The following THEMIS variants were observed in gnomAD, a reference collection of about 807,000 sequenced individuals.
THEMIS encodes the protein thymocyte selection associated.
Under a neutral mutation model 52.6 loss-of-function variants are expected in THEMIS, and 37 were observed. The ratio of observed to expected loss-of-function variants is 0.70; its 90% confidence interval spans 0.54 to 0.93. The LOEUF (loss-of-function observed/expected upper bound fraction) is 0.93. THEMIS is among the 40% of genes least tolerant of loss of function. The pLI is 0.00. For missense variants in THEMIS, 808 were observed against 763.1 expected (o/e 1.06, Z -0.69); for synonymous variants, 292 against 272.7 (o/e 1.07, Z -0.70).
chr6:127,752,582 T>C (rs921073733), intron 4 of THEMIS, among the ~76,000 whole-genome samples: 3 of 151,640 alleles, frequency 2.0e-5, no homozygotes, highest in African/African-American at 7.2e-5. Flanking sequence ...ATCAAATTTA[T>C]GCTTGCCCTC....
At chr6:127,889,343 T>C (rs1194526689) in intron 1 of THEMIS, among the ~76,000 whole-genome samples, 1 of 152,120 alleles carries the variant, frequency 6.6e-6, no homozygotes, top group Non-Finnish European at 1.5e-5. Flanking sequence ...CACCATTTTT[T>C]TCCTCAGATT....
At chr6:127,798,864 C>T (rs1777424197) in intron 4 of THEMIS, among the ~76,000 whole-genome samples, 1 of 151,140 alleles carries the variant, frequency 6.6e-6, no homozygotes, top group African/African-American at 2.4e-5. Context: ...TGGTGGCGGG[C>T]GCCTGTAGTC....
At chr6:127,703,511 T>C (rs375728240), downstream of THEMIS, among the ~76,000 whole-genome samples, 159 of 152,272 alleles carry the variant, frequency 1.0e-3, no homozygotes, top group African/African-American at 3.5e-3. Flanking sequence ...GCTTCCTGTG[T>C]ACCCAATCAT....
rs776542931 is a variant in THEMIS, at chr6:127,829,767, A to T, written c.418T>A (p.Ser140Thr). 2 of 1,613,966 alleles carry T rather than the reference A, an allele frequency of 1.2e-6. No homozygotes were observed. Among genetic ancestry groups the T allele is most frequent in the South Asian group, 2.2e-5 (2 of 91,084 alleles). The change falls in exon 3 of 6, where the codon TCA (serine) becomes ACA (threonine). Residue 140 changes from serine (S) to threonine (T), a missense_variant. By Grantham distance (58) the Ser-to-Thr change is moderately conservative. Coordinates refer to ENST00000368248, the MANE Select transcript of THEMIS (RefSeq NM_001010923.3). ...IKQGEQIMLN[S>T]VEEIDGEIMV... ...ATTTCTCCATCAATCTCTTCAACTG[A>T]GTTGAGCATGATTTGCTCACCCTGC... is the stretch of plus-strand genomic sequence containing the variant.
chr6:127,903,831 T>A (rs938294226), upstream of THEMIS, among the ~76,000 whole-genome samples: 2 of 151,922 alleles, frequency 1.3e-5, no homozygotes, highest in Non-Finnish European at 2.9e-5. Flanking sequence ...ATTCAAAGAC[T>A]TCTATTTCTG....
intron 3 of THEMIS, among the ~76,000 whole-genome samples, chr6:127,814,817 A>G (rs978433558): frequency 1.3e-5 from 2 of 152,196 alleles, no homozygotes; most frequent in Non-Finnish European, 2.9e-5. Context: ...CCTGTTCCTC[A>G]TATACCACCC....
chr6:127,814,870 G>A (rs755515478), intron 3 of THEMIS, among the ~76,000 whole-genome samples: 4 of 152,082 alleles, frequency 2.6e-5, no homozygotes, highest in Non-Finnish European at 5.9e-5. Flanking sequence ...ATAAACTTAT[G>A]TATTGGCCAG....
intron 3 of THEMIS, among the ~76,000 whole-genome samples, chr6:127,817,842 G>A (rs888484475): frequency 3.3e-5 from 5 of 152,148 alleles, no homozygotes; most frequent in Admixed American, 6.5e-5. Flanking sequence ...ATGTTTAGGA[G>A]GGCCTCCCAC....
intron 1 of THEMIS, among the ~76,000 whole-genome samples, chr6:127,898,937 G>C (rs1781052910): frequency 6.6e-6 from 1 of 151,890 alleles, no homozygotes; most frequent in African/African-American, 2.4e-5. Context: ...TGGAGATAGA[G>C]AGTAGAATGA....
At chr6:127,868,511 G>T (rs1780054336) in intron 1 of THEMIS, 2 of 983,424 alleles carry the variant, frequency 2.0e-6, no homozygotes, top group Non-Finnish European at 2.4e-6. Flanking sequence ...GCCACAAATT[G>T]GTTACAGATG....
chr6:127,910,970 G>A (rs539157417), intron 1 of THEMIS, among the ~76,000 whole-genome samples: 2 of 152,088 alleles, frequency 1.3e-5, no homozygotes, highest in African/African-American at 4.8e-5. Flanking sequence ...ACAATTTGAG[G>A]GATACTGGTT....
chr6:127,766,605 A>G (rs1163374942), intron 4 of THEMIS, among the ~76,000 whole-genome samples: 1 of 152,190 alleles, frequency 6.6e-6, no homozygotes, highest in African/African-American at 2.4e-5. Flanking sequence ...ACAGCCTACT[A>G]CACACCTAGG....
chr6:127,889,329 T>G (rs1457052015), intron 1 of THEMIS, among the ~76,000 whole-genome samples: 2 of 152,132 alleles, frequency 1.3e-5, no homozygotes, highest in Non-Finnish European at 2.9e-5. Context: ...GTGGAATAGA[T>G]GAACACCATT....
At chr6:127,714,224 A>C (rs1774081591) in intron 5 of THEMIS, among the ~76,000 whole-genome samples, 2 of 151,896 alleles carry the variant, frequency 1.3e-5, no homozygotes, top group South Asian at 4.1e-4. Context: ...GTATACCTGA[A>C]TCATACTTTT....
intron 4 of THEMIS, among the ~76,000 whole-genome samples, chr6:127,753,275 A>G (rs1187253585): frequency 2.0e-5 from 3 of 152,062 alleles, no homozygotes; most frequent in Non-Finnish European, 4.4e-5. Context: ...AGACTCCATT[A>G]AAACACTGTT....
At chr6:127,909,170 A>G (rs1027538112) in intron 1 of THEMIS, among the ~76,000 whole-genome samples, 2 of 152,154 alleles carry the variant, frequency 1.3e-5, no homozygotes, top group African/African-American at 4.8e-5. Flanking sequence ...GCAACAGACC[A>G]TTTGCTTAAC....
intron 2 of THEMIS, among the ~76,000 whole-genome samples, chr6:127,834,417 CAA>C (rs34484234): frequency 0.42 from 41,654 of 99,500 alleles, 8,019 homozygotes; most frequent in East Asian, 0.92. Context: ...ACTAAAAATA[CAA>C]AAAAAAAAAA....
intron 1 of THEMIS, among the ~76,000 whole-genome samples, chr6:127,860,557 A>G (rs1304936913): frequency 1.3e-5 from 2 of 152,154 alleles, no homozygotes; most frequent in African/African-American, 4.8e-5. Flanking sequence ...AGTCAAGCCT[A>G]AAGACTGAAA....
rs1235351125 is a variant in THEMIS at position 127,813,121 on chromosome 6, C to T, written c.1520G>A (p.Gly507Asp). The T allele has an allele frequency of 8.7e-6, 14 of 1,613,944 alleles. No individual in the cohort carries two copies. The highest frequency in any genetic ancestry group is 3.4e-6 in the Non-Finnish European group (4 of 1,180,028). ...TAACTGAACAGTCATATTCAAGCGG[C>T]CCACAGGAATTTCCCAGCACTCCGT... is the stretch of plus-strand genomic sequence containing the variant. ...NPTECWEIPV[G>D]RLNMTVQLVS... Residue 507 changes from glycine (G) to aspartate (D), a missense_variant, in exon 4 of 6, where the codon GGC becomes GAC. Physicochemically the swap from Gly to Asp is moderately conservative, Grantham distance 94 (BLOSUM62 -1). Coordinates refer to ENST00000368248, the MANE Select transcript of THEMIS (RefSeq NM_001010923.3).
Sources: gnomAD v4.1 joint callset for allele counts (sites outside exome capture counted in the v4.1 genomes callset) on GRCh38, gnomAD v4.1.1 for gene constraint, MANE v1.5 for transcripts, NCBI Gene and HGNC (gene_info 2026-07-23, HGNC 2026-07-21) for gene names.